Variants in OCA2 observed in about 807,000 individuals in gnomAD.
OCA2 encodes the protein P protein.
OCA2 carries 77 observed loss-of-function variants against 100.2 expected under a neutral mutation model. That is an observed-to-expected ratio of 0.77 (90% CI 0.64 to 0.93). The LOEUF (loss-of-function observed/expected upper bound fraction) is 0.93. OCA2 is among the 40% of genes least tolerant of loss of function. The pLI is 0.00. For missense variants in OCA2, 1,062 were observed against 1,089.1 expected (o/e 0.98, Z 0.35); for synonymous variants, 432 against 439.2 (o/e 0.98, Z 0.21).
At chr15:28,036,986 C>G (rs1443195335) in intron 2 of OCA2, among the ~76,000 whole-genome samples, 1 of 152,102 alleles carries the variant, frequency 6.6e-6, no homozygotes, top group Non-Finnish European at 1.5e-5. Flanking sequence ...ACTGCCTTAA[C>G]CTGTGCATGA....
intron 23 of OCA2, among the ~76,000 whole-genome samples, chr15:27,757,369 G>A (rs369916709): frequency 3.3e-5 from 5 of 152,310 alleles, no homozygotes; most frequent in Middle Eastern, 3.4e-3. Context: ...TAGACTAGAC[G>A]TTGACATTAT....
the OCA2 span, among the ~76,000 whole-genome samples, chr15:27,748,803 AAAACT>A: frequency 3.9e-5 from 6 of 152,324 alleles, no homozygotes; most frequent in South Asian, 1.2e-3. Context: ...GAACCAAATG[AAAACT>A]AAACACTGAA....
intron 15 of OCA2, among the ~76,000 whole-genome samples, chr15:27,962,112 A>G (rs1039358011): frequency 1.3e-4 from 20 of 152,190 alleles, no homozygotes; most frequent in African/African-American, 4.8e-4. Flanking sequence ...AGATTAGATG[A>G]TAGATTACAG....
intron 18 of OCA2, chr15:27,950,545 T>C (rs906006975): frequency 3.9e-6 from 2 of 518,352 alleles, no homozygotes; most frequent in Non-Finnish European, 7.7e-6. Flanking sequence ...ACCTGCCAGC[T>C]TGAACCAAGC....
intron 7 of OCA2, among the ~76,000 whole-genome samples, chr15:28,018,143 A>T (rs953641879): frequency 2.6e-5 from 4 of 152,130 alleles, no homozygotes; most frequent in African/African-American, 4.8e-5. Context: ...ATGTTTCCTG[A>T]ATGGCCCAGC....
chr15:27,947,797 G>T (rs1457419600), intron 18 of OCA2, among the ~76,000 whole-genome samples: 7 of 151,924 alleles, frequency 4.6e-5, no homozygotes, highest in Admixed American at 4.6e-4. Flanking sequence ...CCAGTGGCCC[G>T]TCACGAAGGC....
intron 23 of OCA2, among the ~76,000 whole-genome samples, chr15:27,800,487 T>C (rs1032387345): frequency 6.6e-6 from 1 of 152,034 alleles, no homozygotes; most frequent in Non-Finnish European, 1.5e-5. Context: ...ATTATCAACA[T>C]CAGGAATGAC....
intron 23 of OCA2, among the ~76,000 whole-genome samples, chr15:27,760,181 T>TA (rs1004627794): frequency 2.0e-5 from 3 of 151,798 alleles, no homozygotes; most frequent in Non-Finnish European, 4.4e-5. Flanking sequence ...ACAAGGAAAG[T>TA]AAAAAAACCA....
chr15:27,919,125 TGAG>T (rs2038771224), intron 19 of OCA2, among the ~76,000 whole-genome samples: 1 of 152,164 alleles, frequency 6.6e-6, no homozygotes, highest in South Asian at 2.1e-4. Context: ...CACAATTATA[TGAG>T]GAGGTGCTAG....
rs118008795 is a variant in OCA2 at position 27,934,730 on chromosome 15, C to T, written c.1952-8476G>A. On this transcript the variant is annotated intron_variant, in intron 18 of 23. Transcript: ENST00000354638. Reference sequence around the variant, plus strand: ...CTCTTATCAATTGTGGAGGCCTGAGCTTTCCTCCAGCCAAAACTCCTGCTA... The same window carrying T: ...CTCTTATCAATTGTGGAGGCCTGAGTTTTCCTCCAGCCAAAACTCCTGCTA... Among the ~76,000 whole-genome samples the T allele has an allele frequency of 4.5e-3, 693 of 152,314 alleles. 3 individuals are homozygous for T. Among genetic ancestry groups the T allele is most frequent in the Non-Finnish European group, 7.0e-3 (478 of 68,028 alleles).
intron 2 of OCA2, among the ~76,000 whole-genome samples, chr15:28,078,381 C>A (rs2044502791): frequency 6.6e-6 from 1 of 152,176 alleles, no homozygotes; most frequent in African/African-American, 2.4e-5. Context: ...CAATCCCATC[C>A]CTGAGAGTGG....
At chr15:27,786,606 C>G (rs1164838053) in intron 23 of OCA2, among the ~76,000 whole-genome samples, 1 of 152,078 alleles carries the variant, frequency 6.6e-6, no homozygotes, top group East Asian at 1.9e-4. Flanking sequence ...TGTTAATATA[C>G]AGCAATACAG....
chr15:28,047,675 G>A (rs1344988347), intron 2 of OCA2, among the ~76,000 whole-genome samples: 1 of 152,146 alleles, frequency 6.6e-6, no homozygotes, highest in Non-Finnish European at 1.5e-5. Context: ...AATGGTAAAA[G>A]ACTGAAAATT....
chr15:27,954,849 C>G (rs886599159), intron 17 of OCA2, among the ~76,000 whole-genome samples: 20 of 152,206 alleles, frequency 1.3e-4, no homozygotes, highest in African/African-American at 4.6e-4. Flanking sequence ...GAACCTTGGG[C>G]CTGCCCTTCA....
intron 9 of OCA2, among the ~76,000 whole-genome samples, chr15:28,003,478 C>A (rs1462380429): frequency 6.6e-6 from 1 of 152,082 alleles, no homozygotes; most frequent in Admixed American, 6.5e-5. Flanking sequence ...GCGTTCGTCT[C>A]CCACAAGAAG....
In OCA2 at chr15:27,851,451, GGCTCA is replaced by G; in HGVS notation, c.2264_2268del (p.Leu755ProfsTer4). On this transcript the variant is annotated frameshift_variant, in exon 22 of 24. Transcript: ENST00000354638. LOFTEE classifies it high-confidence loss of function. ...GCGGGCAGGCCAACCTCAGGGTCGTGGCTCAGGTTCAGGAGCACGGGAATCTGTGG... is the reference window on the plus strand; with the variant it reads ...GCGGGCAGGCCAACCTCAGGGTCGTGGGTTCAGGAGCACGGGAATCTGTGG... 1 of 1,613,776 alleles carries G rather than the reference GGCTCA, an allele frequency of 6.2e-7. No individual in the cohort carries two copies. Among genetic ancestry groups the G allele is most frequent in the Non-Finnish European group, 8.5e-7 (1 of 1,179,932 alleles).
chr15:27,908,182 T>C (rs2703922), intron 19 of OCA2, among the ~76,000 whole-genome samples: 96,246 of 151,894 alleles, frequency 0.63, 31,111 homozygotes, highest in East Asian at 0.96. Context: ...TAATAAATCA[T>C]AAAAAAGATA....
intron 23 of OCA2, among the ~76,000 whole-genome samples, chr15:27,843,151 G>C (rs113834615): frequency 5.9e-5 from 9 of 152,286 alleles, no homozygotes; most frequent in African/African-American, 2.2e-4. Flanking sequence ...CAGCCTATGG[G>C]TTGCCAGAGA....
Position 28,069,637 on chromosome 15 carries a change from C to T in OCA2, c.227+12011G>A, listed in dbSNP as rs867825733. 4.6e-4 allele frequency among the ~76,000 whole-genome samples: 67 copies of T among 145,888 alleles called. No individual in the cohort carries two copies. In the Middle Eastern group the frequency reaches 0.021, roughly 47 times the overall value. ...CGGGCCGGTCTCCAGCCCCTAACCG[C>T]GAGTGATCTGCCAACCTCGGCCTCC... is the stretch of plus-strand genomic sequence containing the variant. On this transcript the variant is annotated intron_variant, in intron 2 of 23. Transcript: ENST00000354638.
Sources: allele counts gnomAD v4.1 joint callset (sites outside exome capture counted in the v4.1 genomes callset), GRCh38; gene constraint gnomAD v4.1.1; transcripts MANE v1.5; gene names NCBI Gene and HGNC (gene_info 2026-07-23, HGNC 2026-07-21).